Variants in IL1R1 observed in about 807,000 individuals in gnomAD.
IL1R1 encodes the protein interleukin 1 receptor type 1, also known as interleukin-1 receptor type 1.
IL1R1 carries 22 observed loss-of-function variants against 50.2 expected under a neutral mutation model. That is an observed-to-expected ratio of 0.44 (90% CI 0.31 to 0.63). The LOEUF (loss-of-function observed/expected upper bound fraction) is 0.63. Among genes scored for constraint, IL1R1 ranks in the 20% least tolerant of loss-of-function variants. IL1R1 has a pLI of 0.07. For synonymous variants in IL1R1, 251 were observed against 236.7 expected (o/e 1.06, Z -0.55); for missense variants, 509 against 676.2 (o/e 0.75, Z 2.74).
At chr2:102,123,646 C>T (rs934181227) in intron 1 of IL1R1, among the ~76,000 whole-genome samples, 4 of 151,942 alleles carry the variant, frequency 2.6e-5, no homozygotes, top group African/African-American at 9.7e-5. Flanking sequence ...GTCATGGTGG[C>T]GTGCACCTAT....
rs1274713905 is a variant in IL1R1 at position 102,165,858 on chromosome 2, A to G, written c.487-255A>G. On this transcript the variant is annotated intron_variant, in intron 5 of 11. Transcript: ENST00000410023. ...TATAGTGTTAACATTTTTTTCAAAC[A>G]TGTTTTTCTTGCAAAATAAATTGGC... 2.0e-5 allele frequency among the ~76,000 whole-genome samples: 3 copies of G among 152,182 alleles called. No homozygotes were observed. In the East Asian group the frequency reaches 5.8e-4, roughly 29 times the overall value.
chr2:102,118,761 T>C (rs1374981565), intron 1 of IL1R1, among the ~76,000 whole-genome samples: 1 of 152,148 alleles, frequency 6.6e-6, no homozygotes, highest in Non-Finnish European at 1.5e-5. Context: ...CTCACGCCTG[T>C]AATCCCAGCA....
intron 7 of IL1R1, among the ~76,000 whole-genome samples, chr2:102,169,398 A>G (rs1685479198): frequency 6.6e-6 from 1 of 152,254 alleles, no homozygotes; most frequent in African/African-American, 2.4e-5. Flanking sequence ...TAGTTAAATT[A>G]AAAATTAGTT....
chr2:102,091,822 C>A (rs989586619), intron 1 of IL1R1, among the ~76,000 whole-genome samples: 9 of 152,294 alleles, frequency 5.9e-5, no homozygotes, highest in African/African-American at 2.2e-4. Flanking sequence ...TTATTCTTCT[C>A]TCTACCTTCA....
chr2:102,087,686 G>A (rs898395210), intron 1 of IL1R1, among the ~76,000 whole-genome samples: 4 of 152,264 alleles, frequency 2.6e-5, no homozygotes, highest in Non-Finnish European at 5.9e-5. Context: ...TCCTGCCACC[G>A]TGTAAGACGT....
chr2:102,080,644 A>G (rs1679163695), intron 1 of IL1R1, among the ~76,000 whole-genome samples: 2 of 152,354 alleles, frequency 1.3e-5, no homozygotes, highest in Non-Finnish European at 2.9e-5. Flanking sequence ...AGCTACTTTT[A>G]AAATAGTTTG....
intron 3 of IL1R1, among the ~76,000 whole-genome samples, chr2:102,161,904 G>C (rs3917263): frequency 0.28 from 42,905 of 151,696 alleles, 7,271 homozygotes; most frequent in East Asian, 0.38. Flanking sequence ...GTTTCACCAT[G>C]TTGGCCAGGC....
intron 11 of IL1R1, chr2:102,175,938 G>A (rs2104653119): frequency 2.0e-6 from 1 of 512,098 alleles, no homozygotes; most frequent in South Asian, 3.2e-5. Context: ...GAGATCAAAT[G>A]ATTGAATAAT....
intron 1 of IL1R1, among the ~76,000 whole-genome samples, chr2:102,124,680 G>T (rs1279993001): frequency 6.6e-6 from 1 of 152,072 alleles, no homozygotes; most frequent in African/African-American, 2.4e-5. Context: ...CACTTTGAGA[G>T]GCCGAGGCAG....
At chr2:102,114,897 G>C (rs1415455493) in intron 1 of IL1R1, among the ~76,000 whole-genome samples, 2 of 152,178 alleles carry the variant, frequency 1.3e-5, no homozygotes, top group Non-Finnish European at 2.9e-5. Context: ...GTGTGTGAAT[G>C]TAAGCCCCTG....
At position 102,164,982 on chromosome 2, in the gene IL1R1, T is replaced by C; in HGVS notation, c.270T>C (p.Asp90=). The C allele has an allele frequency of 6.2e-7, 1 of 1,613,958 alleles. No individual in the cohort carries two copies. Among genetic ancestry groups the C allele is most frequent in the Non-Finnish European group, 8.5e-7 (1 of 1,179,882 alleles). The change falls in exon 4 of 12, where the codon GAT becomes GAC. Residue 90 remains aspartate (D), a synonymous_variant. Coordinates refer to ENST00000410023, the MANE Select transcript of IL1R1 (RefSeq NM_000877.4). ...KLWFVPAKVE[D]SGHYYCVVRN... ...GGTTTGTTCCTGCTAAGGTGGAGGA[T>C]TCAGGACATTACTATTGCGTGGTAA...
intron 3 of IL1R1, among the ~76,000 whole-genome samples, chr2:102,163,259 A>G (rs3917273): frequency 6.6e-6 from 1 of 151,974 alleles, no homozygotes; most frequent in Non-Finnish European, 1.5e-5. Flanking sequence ...TCATTGTGAT[A>G]TGGGGGCCTA....
intron 1 of IL1R1, among the ~76,000 whole-genome samples, chr2:102,074,275 G>A (rs1338597601): frequency 6.6e-6 from 1 of 152,176 alleles, no homozygotes; most frequent in African/African-American, 2.4e-5. Flanking sequence ...GACGTGGTCT[G>A]GGGCTGCAGT....
At chr2:102,140,725 T>C (rs909272510), upstream of IL1R1, among the ~76,000 whole-genome samples, 3 of 152,164 alleles carry the variant, frequency 2.0e-5, no homozygotes, top group African/African-American at 7.2e-5. Flanking sequence ...GCACACCAGT[T>C]ATCCAAGGAA....
intron 1 of IL1R1, among the ~76,000 whole-genome samples, chr2:102,148,303 T>C (rs1182949244): frequency 1.3e-5 from 2 of 152,184 alleles, no homozygotes; most frequent in Non-Finnish European, 2.9e-5. Flanking sequence ...CTGTGATCAT[T>C]AGGGGTAGGT....
chr2:102,074,464 C>G (rs1445979152), intron 1 of IL1R1, among the ~76,000 whole-genome samples: 1 of 119,878 alleles, frequency 8.3e-6, no homozygotes, highest in Non-Finnish European at 1.7e-5. Context: ...AGCCGGGTGG[C>G]CTATTCCTTA....
upstream of IL1R1, among the ~76,000 whole-genome samples, chr2:102,103,697 A>G (rs115199343): frequency 4.1e-3 from 617 of 152,128 alleles, 4 homozygotes; most frequent in African/African-American, 0.014. Flanking sequence ...GAGCTATGAG[A>G]GAAATAAAAG....
Position 102,171,735 on chromosome 2 carries a change from A to T in IL1R1, c.722-66A>T, listed in dbSNP as rs545086537. ...TATCTAAAATTTTAATTCAATAGCC[A>T]TTTATTAATCTAGATAGATCAGAAA... is the stretch of plus-strand genomic sequence containing the variant. On this transcript the variant is annotated intron_variant, in intron 7 of 11. Transcript: ENST00000410023. 2.2e-5 allele frequency: 19 copies of T among 864,748 alleles called. No homozygotes were observed. The East Asian group carries it at 4.8e-4, about 22-fold the overall frequency. The allele number at this position is 864,748 out of a possible 1,614,324, so 53.6% of individuals were successfully genotyped here.
intron 1 of IL1R1, among the ~76,000 whole-genome samples, chr2:102,083,657 A>G (rs1421963759): frequency 6.6e-6 from 1 of 152,134 alleles, no homozygotes; most frequent in Non-Finnish European, 1.5e-5. Flanking sequence ...TTAAAAGTGG[A>G]AATATCGGCC....
Sources: gnomAD v4.1 joint callset for allele counts (sites outside exome capture counted in the v4.1 genomes callset) on GRCh38, gnomAD v4.1.1 for gene constraint, MANE v1.5 for transcripts, NCBI Gene and HGNC (gene_info 2026-07-23, HGNC 2026-07-21) for gene names.